F2R: variants seen among roughly 807,000 people sequenced by gnomAD.
The protein encoded by F2R is proteinase-activated receptor 1.
A neutral mutation model predicts 18.3 loss-of-function variants in F2R; 12 were observed. The observed-to-expected ratio is 0.66, with a 90% CI of 0.42 to 1.06. F2R has a LOEUF of 1.06. Ranked by LOEUF, F2R falls within the 50% of genes least tolerant of loss-of-function variation. The probability of loss-of-function intolerance (pLI) is 0.00; values close to 1 mark genes in which losing one functional copy is unlikely to be tolerated. For synonymous variants in F2R, 210 were observed against 219.9 expected (o/e 0.95, Z 0.40); for missense variants, 438 against 530.8 (o/e 0.83, Z 1.72).
In F2R at chr5:76,732,662, C is replaced by T. The variant is rs1235324522; in HGVS notation, c.437C>T (p.Thr146Met). ...PAVVYMLHLA[T>M]ADVLFVSVLP... ...GTGGTGTACATGCTGCACCTGGCCA[C>T]GGCAGATGTGCTGTTTGTGTCTGTG... Residue 146 changes from threonine (T) to methionine (M), a missense_variant, in exon 2 of 2, where the codon ACG becomes ATG. Coordinates refer to ENST00000319211, the MANE Select transcript of F2R (RefSeq NM_001992.5). 5.6e-6 allele frequency: 9 copies of T among 1,614,050 alleles called. No homozygotes were observed. In the African/African-American group the frequency reaches 8.0e-5, roughly 14 times the overall value.
intron 1 of F2R, among the ~76,000 whole-genome samples, chr5:76,719,089 C>T (rs1748399158): frequency 6.6e-6 from 1 of 152,202 alleles, no homozygotes; most frequent in East Asian, 1.9e-4. Context: ...GGCCAGAATG[C>T]CCTCCCCATA....
intron 1 of F2R, among the ~76,000 whole-genome samples, chr5:76,730,127 G>C (rs1748643027): frequency 6.6e-6 from 1 of 152,104 alleles, no homozygotes; most frequent in Non-Finnish European, 1.5e-5. Context: ...TTTTGCTTTA[G>C]CAGCCAATTA....
chr5:76,718,056 C>T (rs1004878854), intron 1 of F2R, among the ~76,000 whole-genome samples: 9 of 152,158 alleles, frequency 5.9e-5, no homozygotes, highest in African/African-American at 2.2e-4. Flanking sequence ...GGAGCGCTTG[C>T]TAAGTGCCAT....
Position 76,732,345 on chromosome 5 carries a change from C to T in F2R, c.120C>T (p.Pro40=), listed in dbSNP as rs1580895036. ...AAGCAACAAATGCCACCTTAGATCC[C>T]CGGTCATTTCTTCTCAGGAACCCCA... is the stretch of plus-strand genomic sequence containing the variant. ...ESKATNATLD[P]RSFLLRNPND... is the part of the protein sequence containing the mutation. The change falls in exon 2 of 2, where the codon CCC becomes CCT. Residue 40 remains proline, a synonymous_variant. Transcript: ENST00000319211. 3.1e-6 allele frequency: 5 copies of T among 1,608,612 alleles called. No homozygotes were observed. The East Asian group carries it at 6.7e-5, about 22-fold the overall frequency.
intron 1 of F2R, chr5:76,716,710 G>T: frequency 1.4e-6 from 1 of 715,826 alleles, no homozygotes; most frequent in South Asian, 1.5e-5. Flanking sequence ...TTGTCATTGT[G>T]TTTCTCCCAG....
rs1452020791 is a variant in F2R at position 76,734,159 on chromosome 5, C to T, written c.*656C>T. The stretch of plus-strand genomic sequence containing the variant: ...AATTATGGAAACAGATGAAAAGCCT[C>T]TGTTTTGATATGGGTAGTATTTTTT... On this transcript the variant is annotated 3_prime_UTR_variant, in exon 2 of 2. Transcript: ENST00000319211. 6.6e-6 allele frequency: 1 copy of T among 152,504 alleles called. No individual in the cohort carries two copies. Among genetic ancestry groups the T allele is most frequent in the East Asian group, 1.9e-4 (1 of 5,344 alleles). The allele number at this position is 152,504 out of a possible 1,614,324, so 9.4% of individuals were successfully genotyped here.
chr5:76,720,185 C>T (rs1481433654), intron 1 of F2R, among the ~76,000 whole-genome samples: 1 of 152,116 alleles, frequency 6.6e-6, no homozygotes, highest in South Asian at 2.1e-4. Context: ...TGCAGTGGCT[C>T]ACACCTGTAA....
chr5:76,728,286 A>C (rs541454397), intron 1 of F2R, among the ~76,000 whole-genome samples: 18 of 152,282 alleles, frequency 1.2e-4, no homozygotes, highest in Admixed American at 8.5e-4. Context: ...AGATTTTTCT[A>C]ACTAATTCCT....
In F2R at chr5:76,733,070, C is replaced by T. The variant is rs1448015416; in HGVS notation, c.845C>T (p.Pro282Leu). 1.9e-6 allele frequency: 3 copies of T among 1,614,068 alleles called. No individual in the cohort carries two copies. Among genetic ancestry groups the T allele is most frequent in the Middle Eastern group, 1.6e-4 (1 of 6,062 alleles). ...TTCTCTGCTGTCTTCTTTTTTGTGCCGCTGATCATTTCCACGGTCTGTTAT... is the reference window on the plus strand; with the variant it reads ...TTCTCTGCTGTCTTCTTTTTTGTGCTGCTGATCATTTCCACGGTCTGTTAT... ...SAFSAVFFFV[P>L]LIISTVCYVS... is the part of the protein sequence containing the mutation. The change falls in exon 2 of 2, where the codon CCG becomes CTG. Residue 282 changes from proline to leucine, a missense_variant. Transcript: ENST00000319211.
intron 1 of F2R, chr5:76,716,932 C>G (rs1200299545): frequency 2.2e-6 from 1 of 464,794 alleles, no homozygotes; most frequent in Non-Finnish European, 3.8e-6. Context: ...GCCCCCGGCC[C>G]GGCCTTGTGT....
chr5:76,716,772 G>A (rs530337187), intron 1 of F2R: 10 of 564,800 alleles, frequency 1.8e-5, no homozygotes, highest in Admixed American at 1.6e-4. Context: ...TAAACGTTTC[G>A]ATCTTTAAAA....
Position 76,733,312 on chromosome 5 carries a change from A to C in F2R, c.1087A>C (p.Ser363Arg). 6.2e-7 allele frequency: 1 copy of C among 1,614,160 alleles called. No individual in the cohort carries two copies. The highest frequency in any genetic ancestry group is 8.5e-7 in the Non-Finnish European group (1 of 1,180,030). ...YLLCVCVSSI[S>R]CCIDPLIYYY... ...CCTCTGTGTCTGTGTCAGCAGCATA[A>C]GCTGCTGCATCGACCCCCTAATTTA... The change falls in exon 2 of 2, where the codon AGC (serine) becomes CGC (arginine). Residue 363 changes from serine (S) to arginine (R), a missense_variant. By Grantham distance (110) the Ser-to-Arg change is moderately radical. Coordinates refer to ENST00000319211, the MANE Select transcript of F2R (RefSeq NM_001992.5).
chr5:76,722,400 G>A (rs1049588462), intron 1 of F2R, among the ~76,000 whole-genome samples: 1 of 152,198 alleles, frequency 6.6e-6, no homozygotes, highest in African/African-American at 2.4e-5. Flanking sequence ...GGCAAGGCCT[G>A]CTAGCATCCT....
intron 1 of F2R, among the ~76,000 whole-genome samples, chr5:76,717,798 T>C (rs1302920159): frequency 6.6e-6 from 1 of 152,202 alleles, no homozygotes; most frequent in Non-Finnish European, 1.5e-5. Context: ...AGAACAGAGC[T>C]TATAGAAATG....
intron 1 of F2R, among the ~76,000 whole-genome samples, chr5:76,720,934 A>G (rs1748439854): frequency 6.6e-6 from 1 of 152,058 alleles, no homozygotes; most frequent in Non-Finnish European, 1.5e-5. Flanking sequence ...CAGCCTCCAG[A>G]GTAGCTGGGC....
intron 1 of F2R, among the ~76,000 whole-genome samples, chr5:76,730,297 G>A (rs896802404): frequency 6.6e-6 from 1 of 152,104 alleles, no homozygotes; most frequent in Non-Finnish European, 1.5e-5. Context: ...CTGAAATTTA[G>A]GGCTCCCCCT....
At chr5:76,716,440 AG>A in intron 1 of F2R, 45 bp downstream of exon 1, 1 of 1,364,668 alleles carries the variant, frequency 7.3e-7, no homozygotes, top group Non-Finnish European at 9.5e-7. Context: ...AGGGACGCCG[AG>A]GGGAGACTGC....
At chr5:76,726,298 G>A (rs887870071) in intron 1 of F2R, among the ~76,000 whole-genome samples, 2 of 152,076 alleles carry the variant, frequency 1.3e-5, no homozygotes, top group South Asian at 2.1e-4. Flanking sequence ...TTGGGAGGCC[G>A]AGGTGGGTGG....
In F2R at chr5:76,732,795, C is replaced by A; in HGVS notation, c.570C>A (p.Ile190=). 6.2e-7 allele frequency: 1 copy of A among 1,614,210 alleles called. No homozygotes were observed. The highest frequency in any genetic ancestry group is 1.1e-5 in the South Asian group (1 of 91,086). ...AAFYCNMYAS[I]LLMTVISIDR... ...TTTACTGTAACATGTACGCCTCTAT[C>A]TTGCTCATGACAGTCATAAGCATTG... Residue 190 remains isoleucine, a synonymous_variant, in exon 2 of 2, where the codon ATC becomes ATA. Coordinates refer to ENST00000319211, the MANE Select transcript of F2R (RefSeq NM_001992.5).
Sources: allele counts gnomAD v4.1 joint callset (sites outside exome capture counted in the v4.1 genomes callset), GRCh38; gene constraint gnomAD v4.1.1; transcripts MANE v1.5; gene names NCBI Gene and HGNC (gene_info 2026-07-23, HGNC 2026-07-21).